The following PRR35 variants were observed in gnomAD, a reference collection of about 807,000 sequenced individuals.
PRR35 encodes the protein proline-rich protein 35.
PRR35 carries 14 observed loss-of-function variants against 18.6 expected under a neutral mutation model. The ratio of observed to expected loss-of-function variants is 0.75; its 90% CI spans 0.50 to 1.18. The LOEUF (loss-of-function observed/expected upper bound fraction) is 1.18, where lower values mean the gene tolerates loss of function less well. PRR35 is among the 50% of genes most tolerant of loss of function. The pLI is 0.00. For missense variants in PRR35, 832 were observed against 792.2 expected (o/e 1.05, Z -0.60); for synonymous variants, 425 against 378.2 (o/e 1.12, Z -1.43).
intron 1 of PRR35, among the ~76,000 whole-genome samples, chr16:563,035 C>CTTTTTTTT (rs61007293): frequency 2.3e-5 from 3 of 131,028 alleles, no homozygotes; most frequent in African/African-American, 2.8e-5. Context: ...CTGTCCTGGA[C>CTTTTTTTT]TTTTTTTTTT....
chr16:562,813 G>A (rs1041219276), intron 1 of PRR35, among the ~76,000 whole-genome samples: 3 of 152,210 alleles, frequency 2.0e-5, no homozygotes, highest in Non-Finnish European at 4.4e-5. Context: ...AGATGGGTGT[G>A]GGCTGAACTA....
intron 1 of PRR35, among the ~76,000 whole-genome samples, chr16:562,914 C>A (rs529599661): frequency 6.6e-6 from 1 of 152,148 alleles, no homozygotes; most frequent in Non-Finnish European, 1.5e-5. Context: ...TAGTTAAAAT[C>A]GAATTTCCGA....
At position 563,143 on chromosome 16, in the gene PRR35, G is replaced by A. The variant is rs566187406; in HGVS notation, c.-39-113G>A. On this transcript the variant is annotated intron_variant, in intron 1 of 2. Coordinates refer to ENST00000409413, the MANE Select transcript of PRR35 (RefSeq NM_145270.3). The stretch of plus-strand genomic sequence containing the variant: ...GGGCACGTTGCAGGGCAGAGGCGGC[G>A]GGGTGGGGGGAGCACCCAGGCTCCA... The A allele has an allele frequency of 3.6e-4, 393 of 1,078,940 alleles. 5 individuals carry two copies. In the South Asian group the frequency reaches 4.7e-3, roughly 13 times the overall value. 66.8% of individuals were successfully genotyped at this position (1,078,940 alleles called of 1,614,324 possible).
At position 564,741 on chromosome 16, in the gene PRR35, G is replaced by C. The variant is rs2035502575; in HGVS notation, c.1150G>C (p.Gly384Arg). The C allele has an allele frequency of 6.5e-7, 1 of 1,535,218 alleles. No individual in the cohort carries two copies. The highest frequency in any genetic ancestry group is 8.7e-7 in the Non-Finnish European group (1 of 1,146,836). The part of the protein sequence containing the change: ...DGDPGGPETP[G>R]PEGPLPLQPR... ...GGATCCAGGCGGCCCTGAGACCCCC[G>C]GCCCTGAGGGCCCCCTCCCCCTGCA... is the stretch of plus-strand genomic sequence containing the variant. Residue 384 changes from glycine to arginine, a missense_variant, in exon 3 of 3, where the codon GGC (glycine) becomes CGC (arginine). Around this residue, in one of 3 missense-constraint regions of PRR35, gnomAD observed 768 missense variants for 704.1 expected, o/e 1.09. Transcript: ENST00000409413.
Position 564,657 on chromosome 16 carries a change from C to A in PRR35, c.1083-17C>A. ...TGTGGGGGCAGTGCGGCCTCCTGAC[C>A]AGCTTCCACCCCACAGCCTGCCCAC... On this transcript the variant is annotated splice_polypyrimidine_tract_variant and intron_variant, in intron 2 of 2. Transcript: ENST00000409413. The A allele has an allele frequency of 6.6e-7, 1 of 1,511,674 alleles. No homozygotes were observed. The highest frequency in any genetic ancestry group is 8.8e-7 in the Non-Finnish European group (1 of 1,134,762). The allele number at this position is 1,511,674 out of a possible 1,614,324, so 93.6% of individuals were successfully genotyped here.
Position 565,245 on chromosome 16 carries a change from A to G in PRR35, c.1654A>G (p.Arg552Gly), listed in dbSNP as rs2142114338. 3.8e-6 allele frequency: 6 copies of G among 1,598,990 alleles called. No individual in the cohort carries two copies. Among genetic ancestry groups the G allele is most frequent in the Non-Finnish European group, 4.3e-6 (5 of 1,173,396 alleles). The change falls in exon 3 of 3, where the codon AGG becomes GGG. Residue 552 changes from arginine (R) to glycine (G), a missense_variant. Arg to Gly is a moderately radical substitution (Grantham distance 125). Around this residue, in one of 3 missense-constraint regions of PRR35, gnomAD observed 768 missense variants for 704.1 expected, o/e 1.09. Transcript: ENST00000409413. Reference sequence around the variant, plus strand: ...TGGCTGGGGCACCTGTGTTGCGACGAGGAGTTCCCAGACCCCTGAGGCTGT... The same window carrying G: ...TGGCTGGGGCACCTGTGTTGCGACGGGGAGTTCCCAGACCCCTGAGGCTGT... ...GSGWGTCVAT[R>G]SSQTPEAVCG...
At position 564,945 on chromosome 16, in the gene PRR35, C is replaced by T. The variant is rs760435143; in HGVS notation, c.1354C>T (p.Gln452Ter). Residue 452 changes from glutamine to a stop codon, truncating the protein, a stop_gained, in exon 3 of 3, where the codon CAG becomes TAG. Coordinates refer to ENST00000409413, the MANE Select transcript of PRR35 (RefSeq NM_145270.3). LOFTEE classifies it low-confidence loss of function (END_TRUNC). ...CCGCCTGGAGCTGCTCACCATTCAC[C>T]AGGCGCTGGAGCAGGCCGTGAGGCC... Reference protein sequence around the residue: ...KIRLELLTIHQALEQAVRPPD... With the variant: ...KIRLELLTIH 1 of 1,604,940 alleles carries T rather than the reference C, an allele frequency of 6.2e-7. No homozygotes were observed. The highest frequency in any genetic ancestry group is 8.5e-7 in the Non-Finnish European group (1 of 1,178,156).
chr16:562,529 ACG>A (rs1022220644), intron 1 of PRR35, among the ~76,000 whole-genome samples: 28 of 122,520 alleles, frequency 2.3e-4, no homozygotes, highest in African/African-American at 9.6e-4. Context: ...AGGCGCACAC[ACG>A]TGTGCACACA....
At position 565,183 on chromosome 16, in the gene PRR35, C is replaced by T; in HGVS notation, c.1592C>T (p.Pro531Leu). Residue 531 changes from proline to leucine, a missense_variant, in exon 3 of 3, where the codon CCC becomes CTC. By Grantham distance (98) the Pro-to-Leu change is moderately conservative. Transcript: ENST00000409413. ...TCCAGCGTCCCACCCCCAGGGCTCC[C>T]CCTCGCAGCCCCAGATGACCCTGTC... ...ADSSVPPPGL[P>L]LAAPDDPVIP... 6.2e-7 allele frequency: 1 copy of T among 1,610,928 alleles called. No individual in the cohort carries two copies. The highest frequency in any genetic ancestry group is 2.2e-5 in the East Asian group (1 of 44,826).
chr16:559,844 G>A (rs1203441823), upstream of PRR35: 2 of 794,800 alleles, frequency 2.5e-6, no homozygotes, highest in Non-Finnish European at 3.0e-6. Flanking sequence ...AGAGAACGGA[G>A]GGCAGGGCTC....
chr16:563,945 C>G lies in PRR35; in HGVS notation c.651C>G (p.Pro217=), dbSNP rs759347447. Residue 217 remains proline, a synonymous_variant, in exon 2 of 3, where the codon CCC becomes CCG. Transcript: ENST00000409413. ...SLLGVNYPLS[P]GLFSYLGPSL... is the part of the protein sequence containing the mutation. ...TGGGCGTCAACTACCCGCTCAGCCC[C>G]GGCCTCTTCTCCTACTTGGGGCCCT... 3 of 1,596,566 alleles carry G rather than the reference C, an allele frequency of 1.9e-6. No homozygotes were observed. The highest frequency in any genetic ancestry group is 2.7e-5 in the African/African-American group (2 of 74,428).
In PRR35 at chr16:562,174, C is replaced by T. The variant is rs531576910; in HGVS notation, c.-39-1082C>T. Among the ~76,000 whole-genome samples the T allele has an allele frequency of 8.5e-5, 13 of 152,354 alleles. No individual in the cohort carries two copies. The South Asian group carries it at 2.3e-3, about 27-fold the overall frequency. On this transcript the variant is annotated intron_variant, in intron 1 of 2. Coordinates refer to ENST00000409413, the MANE Select transcript of PRR35 (RefSeq NM_145270.3). Reference sequence around the variant, plus strand: ...AGATGGAGTGTGGCGCGCATACCAGCGCCGTGTGGGGCGTGGGGAGGAGCG... The same window carrying T: ...AGATGGAGTGTGGCGCGCATACCAGTGCCGTGTGGGGCGTGGGGAGGAGCG...
chr16:562,577 G>A (rs992677439), intron 1 of PRR35, among the ~76,000 whole-genome samples: 32 of 133,342 alleles, frequency 2.4e-4, no homozygotes, highest in Admixed American at 4.1e-4. Context: ...GCATGCACAC[G>A]CACACATGCA....
In PRR35 at chr16:563,215, G is replaced by A; in HGVS notation, c.-39-41G>A. 3 of 1,460,706 alleles carry A rather than the reference G, an allele frequency of 2.1e-6. No individual in the cohort carries two copies. In the South Asian group the frequency reaches 4.1e-5, roughly 20 times the overall value. The allele number at this position is 1,460,706 out of a possible 1,614,324, so 90.5% of individuals were successfully genotyped here. On this transcript the variant is annotated intron_variant, in intron 1 of 2. Transcript: ENST00000409413. ...ATGGATGGAGAGGAGTGGGGAGTTAGTCAGAGGCAGGCTTGGCACTGACTG... is the reference window on the plus strand; with the variant it reads ...ATGGATGGAGAGGAGTGGGGAGTTAATCAGAGGCAGGCTTGGCACTGACTG...
At chr16:561,136 C>G (rs558044899) in intron 1 of PRR35, among the ~76,000 whole-genome samples, 2 of 152,208 alleles carry the variant, frequency 1.3e-5, no homozygotes, top group African/African-American at 4.8e-5. Flanking sequence ...TTGCCGGGTC[C>G]GGCTGGGACG....
In PRR35 at chr16:565,009, C is replaced by T. The variant is rs1408374987; in HGVS notation, c.1418C>T (p.Pro473Leu). Reference sequence around the variant, plus strand: ...CTCGACCTCTCTGTGAAACGTGCGCCCGCCAAGGGGCCCCAGGCTCTTGGA... The same window carrying T: ...CTCGACCTCTCTGTGAAACGTGCGCTCGCCAAGGGGCCCCAGGCTCTTGGA... The part of the protein sequence containing the change: ...APLDLSVKRA[P>L]AKGPQALGEA... The change falls in exon 3 of 3, where the codon CCC becomes CTC. Residue 473 changes from proline to leucine, a missense_variant. This residue lies in a region of PRR35 where 768 missense variants were observed against 704.1 expected (regional missense o/e 1.09). Coordinates refer to ENST00000409413, the MANE Select transcript of PRR35 (RefSeq NM_145270.3). 1.2e-6 allele frequency: 2 copies of T among 1,605,784 alleles called. No homozygotes were observed. The highest frequency in any genetic ancestry group is 3.4e-5 in the Admixed American group (2 of 59,268).
rs1287417556 is a variant in PRR35, at chr16:565,263, G to A, written c.1672G>A (p.Glu558Lys). 6.4e-7 allele frequency: 1 copy of A among 1,574,724 alleles called. No homozygotes were observed. Residue 558 changes from glutamate (E) to lysine (K), a missense_variant, in exon 3 of 3, where the codon GAG becomes AAG. Coordinates refer to ENST00000409413, the MANE Select transcript of PRR35 (RefSeq NM_145270.3). ...CVATRSSQTP[E>K]AVCGLQSPQG... is the part of the protein sequence containing the mutation. ...TGCGACGAGGAGTTCCCAGACCCCT[G>A]AGGCTGTCTGTGGCCTGCAGAGCCC...
chr16:561,556 T>C (rs1424543369), intron 1 of PRR35, among the ~76,000 whole-genome samples: 1 of 152,208 alleles, frequency 6.6e-6, no homozygotes, highest in Non-Finnish European at 1.5e-5. Flanking sequence ...GCCCAGCCCC[T>C]GCCTCCCGAC....
rs2035414863 is a variant in PRR35, at chr16:560,536, A to G, written c.-165A>G. 1.0e-6 allele frequency: 1 copy of G among 982,002 alleles called. No homozygotes were observed. Among genetic ancestry groups the G allele is most frequent in the South Asian group, 4.7e-5 (1 of 21,256 alleles). 60.8% of individuals were successfully genotyped at this position (982,002 alleles called of 1,614,324 possible). On this transcript the variant is annotated 5_prime_UTR_variant, in exon 1 of 3. Transcript: ENST00000409413. ...GTTTCCCCCACGGGAGCCGCATCCCACCCCCAGAGCCCCAGCGCGTCCGCG... is the reference window on the plus strand; with the variant it reads ...GTTTCCCCCACGGGAGCCGCATCCCGCCCCCAGAGCCCCAGCGCGTCCGCG...
Sources: allele counts gnomAD v4.1 joint callset (sites outside exome capture counted in the v4.1 genomes callset), GRCh38; gene constraint gnomAD v4.1.1; regional missense constraint gnomAD v4.1.1; transcripts MANE v1.5; gene names NCBI Gene and HGNC (gene_info 2026-07-23, HGNC 2026-07-21).